Variants in KIF13A observed in about 807,000 individuals in gnomAD.
KIF13A encodes kinesin-like protein KIF13A.
KIF13A carries 79 observed loss-of-function variants against 212.2 expected under a neutral mutation model. That is an observed-to-expected ratio of 0.37 (90% confidence interval 0.31 to 0.45). The LOEUF (loss-of-function observed/expected upper bound fraction) is 0.45, where lower values mean the gene tolerates loss of function less well. Among genes scored for constraint, KIF13A ranks in the 20% least tolerant of loss-of-function variants. The pLI, the probability that KIF13A is intolerant of heterozygous loss-of-function variation, is 1.00. For missense variants in KIF13A, 1,901 were observed against 2,209.0 expected (o/e 0.86, Z 2.79); for synonymous variants, 789 against 808.6 (o/e 0.98, Z 0.41).
chr6:17,792,266 T>C (rs1761652033), intron 25 of KIF13A, among the ~76,000 whole-genome samples: 1 of 150,778 alleles, frequency 6.6e-6, no homozygotes, highest in South Asian at 2.1e-4. Context: ...GAACATTTAG[T>C]TAGTTGATGA....
At chr6:17,885,082 T>C (rs950996275) in intron 3 of KIF13A, among the ~76,000 whole-genome samples, 2 of 152,076 alleles carry the variant, frequency 1.3e-5, no homozygotes, top group African/African-American at 4.8e-5. Flanking sequence ...CTCTTTTTCA[T>C]CTTTCTCCTG....
rs1781167880 is a variant in KIF13A at position 17,982,330 on chromosome 6, T to A, written c.146+4724A>T. 1 of 498,334 alleles carries A rather than the reference T, an allele frequency of 2.0e-6. No individual in the cohort carries two copies. The highest frequency in any genetic ancestry group is 2.1e-5 in the African/African-American group (1 of 46,966). The allele number at this position is 498,334 out of a possible 1,614,324, so 30.9% of individuals were successfully genotyped here. On this transcript the variant is annotated intron_variant, in intron 2 of 38. Transcript: ENST00000259711. This position sits in a 1 kb window ranked among gnomAD's most constrained non-coding sequence, Gnocchi z 5.1. ...CCAGGCTGGTCTCGAACTCCTGACC[T>A]CAGGTGATCTGCCTGCCTTGGCCTC... is the stretch of plus-strand genomic sequence containing the variant.
At chr6:17,881,044 A>G (rs1581622064) in intron 3 of KIF13A, among the ~76,000 whole-genome samples, 1 of 152,232 alleles carries the variant, frequency 6.6e-6, no homozygotes, top group African/African-American at 2.4e-5. Context: ...AACGGAAAAA[A>G]CAGCCAAAAG....
At chr6:17,950,349 C>A in intron 2 of KIF13A, 1 of 924,852 alleles carries the variant, frequency 1.1e-6, no homozygotes, top group Non-Finnish European at 1.3e-6. Context: ...TAAGCACAAA[C>A]CTTATATATT....
chr6:17,796,841 CA>C (rs760571715), intron 22 of KIF13A, 21 bp from the exon 23 acceptor site: 1 of 1,453,872 alleles, frequency 6.9e-7, no homozygotes, highest in South Asian at 1.4e-5. Context: ...TGGGGGAAAG[CA>C]AAAGAATTAT....
At chr6:17,948,549 T>C (rs1193940193) in intron 2 of KIF13A, among the ~76,000 whole-genome samples, 10 of 137,640 alleles carry the variant, frequency 7.3e-5, no homozygotes, top group East Asian at 2.2e-4. Context: ...CCACATAACA[T>C]CCATTTACTT....
In KIF13A at chr6:17,777,316, C is replaced by G; in HGVS notation, c.4131G>C (p.Arg1377=). The change falls in exon 34 of 39, where the codon CGG becomes CGC. Residue 1377 remains arginine (R), a synonymous_variant. Coordinates refer to ENST00000259711, the MANE Select transcript of KIF13A (RefSeq NM_022113.6). The surrounding 1 kb of genome is among the most constrained non-coding windows in gnomAD (Gnocchi z 4.4). ...TVKEALSTKA[R]HIRRSLSTPN... is the part of the protein sequence containing the mutation. ...GTGTACTGAGGCTCCTCCGAATGTG[C>G]CGGGCTTTGGTGGAAAGTGCTTCTT... The G allele has an allele frequency of 6.2e-7, 1 of 1,613,326 alleles. No homozygotes were observed.
intron 4 of KIF13A, among the ~76,000 whole-genome samples, chr6:17,862,339 G>T (rs894390494): frequency 6.6e-6 from 1 of 152,052 alleles, no homozygotes; most frequent in African/African-American, 2.4e-5. Flanking sequence ...CATAGTGCGT[G>T]GCCAGTATAA....
rs745458990 is a variant in KIF13A at position 17,915,956 on chromosome 6, AAAATAAAAT to A, written c.147-17785_147-17777del. 0.038 allele frequency among the ~76,000 whole-genome samples: 5,075 copies of A among 132,480 alleles called. 100 individuals carry two copies. Among genetic ancestry groups the A allele is most frequent in the East Asian group, 0.087 (384 of 4,436 alleles). The allele number at this position is 132,480 out of a possible 152,430, so 86.9% of individuals were successfully genotyped here. On this transcript the variant is annotated intron_variant, in intron 2 of 38. Transcript: ENST00000259711. This position sits in a 1 kb window ranked among gnomAD's most constrained non-coding sequence, Gnocchi z 4.4. ...AGTCTCAAAAAAAAAAATAAAAATA[AAAATAAAAT>A]AAAATAAAATAAATTACAGTTCAAA...
At position 17,783,833 on chromosome 6, in the gene KIF13A, C is replaced by T. The variant is rs535633550; in HGVS notation, c.3489-132G>A. 426 of 671,084 alleles carry T rather than the reference C, an allele frequency of 6.3e-4. 5 individuals are homozygous for T. In the South Asian group the frequency reaches 6.6e-3, roughly 10 times the overall value. 41.6% of individuals were successfully genotyped at this position (671,084 alleles called of 1,614,324 possible). On this transcript the variant is annotated intron_variant, in intron 28 of 38. Coordinates refer to ENST00000259711, the MANE Select transcript of KIF13A (RefSeq NM_022113.6). This position sits in a 1 kb window ranked among gnomAD's most constrained non-coding sequence, Gnocchi z 4.3. The stretch of plus-strand genomic sequence containing the variant: ...GCAGTTTCCACTAATGAAATACTTT[C>T]ATATTTCTTGACTTCCCTGTAGACA...
intron 4 of KIF13A, among the ~76,000 whole-genome samples, chr6:17,866,826 CGCAT>C (rs1430913101): frequency 0.018 from 2,155 of 121,628 alleles, 193 homozygotes; most frequent in African/African-American, 0.03. Context: ...AAAAAAGCAG[CGCAT>C]ATATATATAT....
In KIF13A at chr6:17,807,434, T is replaced by G. The variant is rs527984167; in HGVS notation, c.2163+1334A>C. On this transcript the variant is annotated intron_variant, in intron 18 of 38. Coordinates refer to ENST00000259711, the MANE Select transcript of KIF13A (RefSeq NM_022113.6). ...ATAAGCACTGAGATACGCCCTGGTC[T>G]CCTGCAGTACCCTCAAGCTTACTAG... 6.6e-5 allele frequency among the ~76,000 whole-genome samples: 10 copies of G among 152,248 alleles called. No individual in the cohort carries two copies. The East Asian group carries it at 1.9e-3, about 29-fold the overall frequency.
chr6:17,802,939 T>A (rs1433974602), intron 20 of KIF13A, among the ~76,000 whole-genome samples: 1 of 138,856 alleles, frequency 7.2e-6, no homozygotes, highest in African/African-American at 2.5e-5. Context: ...TTTGTTTTTT[T>A]TTGTTTTGTT....
Position 17,776,591 on chromosome 6 carries a change from TG to T in KIF13A, c.4170+685del, listed in dbSNP as rs1237260759. Among the ~76,000 whole-genome samples the T allele has an allele frequency of 1.3e-5, 2 of 152,340 alleles. No homozygotes were observed. Among genetic ancestry groups the T allele is most frequent in the Admixed American group, 6.5e-5 (1 of 15,296 alleles). On this transcript the variant is annotated intron_variant, in intron 34 of 38. Transcript: ENST00000259711. The surrounding 1 kb of genome is among the most constrained non-coding windows in gnomAD (Gnocchi z 4.6). ...CTGTAGCCCACTGTAGGACAATTTTTGTAAGTGGCCACCATGTTTTAAATAA... is the reference window on the plus strand; with the variant it reads ...CTGTAGCCCACTGTAGGACAATTTTTTAAGTGGCCACCATGTTTTAAATAA...
downstream of KIF13A, chr6:17,760,836 G>A (rs1057194794): frequency 3.1e-6 from 5 of 1,613,230 alleles, no homozygotes; most frequent in African/African-American, 5.3e-5. Context: ...GCTGTGGCCT[G>A]AGGAGGGGTG....
In KIF13A at chr6:17,871,907, T is replaced by C. The variant is rs1439712969; in HGVS notation, c.220+1470A>G. ...GTCTCTGCATCTGTAGGAAATGTTT[T>C]ACTTTTGTTGTTGATTTAAATCTAA... On this transcript the variant is annotated intron_variant, in intron 4 of 38. Transcript: ENST00000259711. The surrounding 1 kb of genome is among the most constrained non-coding windows in gnomAD (Gnocchi z 4.4). Among the ~76,000 whole-genome samples the C allele has an allele frequency of 6.6e-6, 1 of 152,252 alleles. No homozygotes were observed. Among genetic ancestry groups the C allele is most frequent in the East Asian group, 1.9e-4 (1 of 5,204 alleles).
At chr6:17,824,968 A>G (rs1235737040) in intron 16 of KIF13A, among the ~76,000 whole-genome samples, 1 of 152,108 alleles carries the variant, frequency 6.6e-6, no homozygotes, top group African/African-American at 2.4e-5. Context: ...AAACAGCCTC[A>G]GTTTTATCCT....
chr6:17,856,235 A>G lies in KIF13A; in HGVS notation c.221-113T>C. ...AAAAAATGTTAAAAGTGTAGTACCG[A>G]GTGCCCACTAAGTACAGGGCTGTGT... On this transcript the variant is annotated intron_variant, in intron 4 of 38. Coordinates refer to ENST00000259711, the MANE Select transcript of KIF13A (RefSeq NM_022113.6). This position sits in a 1 kb window ranked among gnomAD's most constrained non-coding sequence, Gnocchi z 4.5. 2 of 704,950 alleles carry G rather than the reference A, an allele frequency of 2.8e-6. No homozygotes were observed. Among genetic ancestry groups the G allele is most frequent in the Non-Finnish European group, 4.8e-6 (2 of 412,548 alleles). 43.7% of individuals were successfully genotyped at this position (704,950 alleles called of 1,614,324 possible). A position where few individuals can be genotyped will look rare whatever the true frequency, so the allele number is the denominator to read the frequency against.
rs77860813 is a variant in KIF13A, at chr6:17,878,186, A to T, written c.160-4749T>A. Among the ~76,000 whole-genome samples, 1,281 of 152,280 alleles carry T rather than the reference A, an allele frequency of 8.4e-3. 5 individuals carry two copies. The highest frequency in any genetic ancestry group is 0.034 in the Middle Eastern group (10 of 294). The stretch of plus-strand genomic sequence containing the variant: ...ATCAGTGACACAAAAATGTAACAGC[A>T]AGGGGGCACTGGAAAAAACTGGAGC... On this transcript the variant is annotated intron_variant, in intron 3 of 38. Coordinates refer to ENST00000259711, the MANE Select transcript of KIF13A (RefSeq NM_022113.6).
Sources: allele counts gnomAD v4.1 joint callset (sites outside exome capture counted in the v4.1 genomes callset), GRCh38; gene constraint gnomAD v4.1.1; non-coding constraint Gnocchi (gnomAD v3.1); transcripts MANE v1.5; gene names NCBI Gene and HGNC (gene_info 2026-07-23, HGNC 2026-07-21).